WIPF1: variants seen among roughly 807,000 people sequenced by gnomAD.
WIPF1 encodes the protein WAS/WASL-interacting protein family member 1.
Under a neutral mutation model 35.4 loss-of-function variants are expected in WIPF1, and 13 were observed. The ratio of observed to expected loss-of-function variants is 0.37; its 90% confidence interval spans 0.24 to 0.58. WIPF1 has a LOEUF of 0.58. Ranked by LOEUF, WIPF1 falls within the 20% of genes least tolerant of loss-of-function variation. WIPF1 has a pLI of 0.74. For missense variants in WIPF1, 591 were observed against 667.0 expected (o/e 0.89, Z 1.25); for synonymous variants, 267 against 266.3 (o/e 1.00, Z -0.02).
intron 2 of WIPF1, 46 bp from the exon 3 acceptor site, chr2:174,581,485 T>C (rs1427440119): frequency 1.3e-5 from 21 of 1,602,700 alleles, no homozygotes; most frequent in Admixed American, 1.7e-5. Flanking sequence ...TGGGTTAAAA[T>C]CATGCATTGT....
In WIPF1 at chr2:174,581,375, T is replaced by C; in HGVS notation, c.116A>G (p.Asp39Gly). The C allele has an allele frequency of 6.2e-7, 1 of 1,614,114 alleles. No individual in the cohort carries two copies. Among genetic ancestry groups the C allele is most frequent in the Non-Finnish European group, 8.5e-7 (1 of 1,180,008 alleles). The change falls in exon 3 of 8, where the codon GAT becomes GGT. Residue 39 changes from aspartate to glycine, a missense_variant. This residue lies in a region of WIPF1 where 471 missense variants were observed against 501.1 expected (regional missense o/e 0.94). Transcript: ENST00000679041. ...EQAGRNALLS[D>G]ISKGKKLKKT... ...CTTTAGTTTCTTCCCTTTGCTGATA[T>C]CAGAAAGGAGAGCATTTCTCCCAGC...
chr2:174,568,244 C>T (rs1439607756), intron 5 of WIPF1, among the ~76,000 whole-genome samples, 171 bp from the exon 6 acceptor site: 1 of 152,036 alleles, frequency 6.6e-6, no homozygotes, highest in Non-Finnish European at 1.5e-5. Context: ...ACAAAAATTG[C>T]ACATGTGTAC....
chr2:174,575,367 A>G lies in WIPF1; in HGVS notation c.195T>C (p.Ala65=). 3 of 1,611,082 alleles carry G rather than the reference A, an allele frequency of 1.9e-6. No homozygotes were observed. In the South Asian group the frequency reaches 3.3e-5, roughly 18 times the overall value. ...SAPILDKPKG[A]GAGGGGGGFG... ...AGCCACCACCACCGCCTCCAGCACC[A>G]GCTCCTTTAGGTTCTGTAGAAGAAG... Residue 65 remains alanine (A), a synonymous_variant, in exon 4 of 8, where the codon GCT becomes GCC. Transcript: ENST00000679041.
chr2:174,642,869 A>T (rs1407513296), intron 1 of WIPF1, among the ~76,000 whole-genome samples: 2 of 149,416 alleles, frequency 1.3e-5, no homozygotes, highest in Non-Finnish European at 1.5e-5. Context: ...TTATTTTATT[A>T]GCTTCTTAAG....
chr2:174,562,097 G>C lies in WIPF1; in HGVS notation c.*450C>G, dbSNP rs1196129084. ...TCCTGTGACTGCAAGTTTCCAGTGA[G>C]CCCTTACTCAGCAGCTTGCTTAGGT... On this transcript the variant is annotated 3_prime_UTR_variant, in exon 8 of 8. Transcript: ENST00000679041. The C allele has an allele frequency of 6.4e-7, 1 of 1,550,642 alleles. No homozygotes were observed. Among genetic ancestry groups the C allele is most frequent in the South Asian group, 1.2e-5 (1 of 84,062 alleles).
intron 1 of WIPF1, among the ~76,000 whole-genome samples, chr2:174,589,752 A>AT (rs11414835): frequency 0.98 from 149,159 of 152,380 alleles, 73,102 homozygotes; most frequent in Middle Eastern, 1. Flanking sequence ...TTCACGTGAT[A>AT]TTTCACATCA....
At position 174,594,629 on chromosome 2, in the gene WIPF1, G is replaced by A. The variant is rs1685735384; in HGVS notation, c.-39+2972C>T. On this transcript the variant is annotated intron_variant, in intron 1 of 7. Coordinates refer to ENST00000679041, the MANE Select transcript of WIPF1 (RefSeq NM_001375834.1). ...CTCCAAGCTAAAATCTGCCTAAATC[G>A]CTATCACCACATTTAGTTCTACCAG... Among the ~76,000 whole-genome samples, 3 of 72,862 alleles carry A rather than the reference G, an allele frequency of 4.1e-5. 1 individual carries two copies. The highest frequency in any genetic ancestry group is 2.9e-4 in the Admixed American group (2 of 6,990). 47.8% of individuals were successfully genotyped at this position (72,862 alleles called of 152,430 possible).
chr2:174,645,676 T>C (rs1687392993), intron 1 of WIPF1, among the ~76,000 whole-genome samples: 2 of 152,240 alleles, frequency 1.3e-5, no homozygotes, highest in South Asian at 2.1e-4. Flanking sequence ...ACCTTGTTGA[T>C]ACCATTGTGA....
intron 1 of WIPF1, among the ~76,000 whole-genome samples, chr2:174,647,607 C>T (rs1002900915): frequency 7.4e-5 from 11 of 149,150 alleles, no homozygotes; most frequent in Non-Finnish European, 4.4e-5. Context: ...CTCCTGACCT[C>T]GTGATCCGTG....
At chr2:174,611,753 T>G (rs988036732) in intron 1 of WIPF1, among the ~76,000 whole-genome samples, 3 of 152,222 alleles carry the variant, frequency 2.0e-5, no homozygotes, top group Non-Finnish European at 2.9e-5. Flanking sequence ...TGTTAACCCA[T>G]GTTAACCCAT....
At chr2:174,609,575 T>G (rs1308299462) in intron 1 of WIPF1, among the ~76,000 whole-genome samples, 2 of 152,258 alleles carry the variant, frequency 1.3e-5, no homozygotes, top group African/African-American at 4.8e-5. Flanking sequence ...ACTTACAAAC[T>G]GAAGTTATTT....
intron 1 of WIPF1, among the ~76,000 whole-genome samples, chr2:174,586,559 G>A (rs537150025): frequency 2.6e-5 from 4 of 152,182 alleles, no homozygotes; most frequent in South Asian, 4.2e-4. Flanking sequence ...CAGGAGAGAC[G>A]ATGGCCAGGA....
At chr2:174,652,550 C>A (rs1687553572) in intron 1 of WIPF1, among the ~76,000 whole-genome samples, 1 of 152,098 alleles carries the variant, frequency 6.6e-6, no homozygotes, top group South Asian at 2.1e-4. Flanking sequence ...TTTTTCCCAT[C>A]TCCATTAAGG....
At chr2:174,591,786 C>T (rs1685622091) in intron 1 of WIPF1, among the ~76,000 whole-genome samples, 2 of 151,978 alleles carry the variant, frequency 1.3e-5, no homozygotes, top group South Asian at 2.1e-4. Context: ...TACTAGAATG[C>T]TATTAGGTCA....
At chr2:174,651,321 C>T (rs1460418041) in intron 1 of WIPF1, among the ~76,000 whole-genome samples, 2 of 152,156 alleles carry the variant, frequency 1.3e-5, no homozygotes, top group East Asian at 3.8e-4. Context: ...TTACATGAAT[C>T]AACACTACTA....
intron 1 of WIPF1, among the ~76,000 whole-genome samples, chr2:174,647,174 C>T (rs562755069): frequency 1.3e-5 from 2 of 151,822 alleles, no homozygotes; most frequent in East Asian, 3.9e-4. Context: ...GAGTTCAAGA[C>T]TGGCCTGGGC....
intron 1 of WIPF1, among the ~76,000 whole-genome samples, chr2:174,674,297 C>A (rs1395378140): frequency 6.6e-6 from 1 of 152,178 alleles, no homozygotes; most frequent in East Asian, 1.9e-4. Flanking sequence ...TCTCAAAGAA[C>A]CTTTGTCTTC....
intron 3 of WIPF1, among the ~76,000 whole-genome samples, chr2:174,580,977 AAGGCT>A (rs566036797): frequency 1.6e-4 from 25 of 152,232 alleles, no homozygotes; most frequent in Non-Finnish European, 2.9e-4. Context: ...TTTTGATTCC[AAGGCT>A]AGGGCTCTTT....
intron 1 of WIPF1, among the ~76,000 whole-genome samples, chr2:174,678,939 C>T (rs946408594): frequency 1.3e-5 from 2 of 152,194 alleles, no homozygotes; most frequent in East Asian, 1.9e-4. Flanking sequence ...TAATTTACAT[C>T]GAAAGCAGTT....
Sources: gnomAD v4.1 joint callset for allele counts (sites outside exome capture counted in the v4.1 genomes callset) on GRCh38, gnomAD v4.1.1 for gene constraint, gnomAD v4.1.1 regional missense constraint, MANE v1.5 for transcripts, NCBI Gene and HGNC (gene_info 2026-07-23, HGNC 2026-07-21) for gene names.